OGT: variants seen among roughly 807,000 people sequenced by gnomAD.
OGT encodes the protein O-linked N-acetylglucosamine (GlcNAc) transferase.
OGT carries 3 observed loss-of-function variants against 75.8 expected under a neutral mutation model. The observed-to-expected ratio is 0.04, with a 90% CI of 0.02 to 0.10. The LOEUF (loss-of-function observed/expected upper bound fraction) is 0.10. Among genes scored for constraint, OGT ranks in the 10% least tolerant of loss-of-function variants. OGT has a pLI of 1.00. For missense variants in OGT, 260 were observed against 824.4 expected (o/e 0.32, Z 8.38); for synonymous variants, 257 against 289.7 (o/e 0.89, Z 1.15).
chrX:71,560,873 C>CTT (rs1010281242), intron 14 of OGT, among the ~76,000 whole-genome samples: 1 of 110,792 alleles, frequency 9.0e-6, no homozygotes, highest in Non-Finnish European at 1.9e-5. Flanking sequence ...TTTGTCAATA[C>CTT]TTTAACTCAC....
rs138492826 is a variant in OGT, at chrX:71,548,826, A to T, written c.648+803A>T. 1.7e-3 allele frequency among the ~76,000 whole-genome samples: 187 copies of T among 111,373 alleles called. 1 individual carries two copies. Among genetic ancestry groups the T allele is most frequent in the African/African-American group, 6.0e-3 (183 of 30,607 alleles). On this transcript the variant is annotated intron_variant, in intron 5 of 21. Transcript: ENST00000373719. ...AGGTACTATGTTCACTACCTGAGTG[A>T]CAAAATCATTTGTATACCAAATTGC...
rs2040492314 is a variant in OGT, at chrX:71,575,763, A to G, written c.*1969A>G. 1 of 112,504 alleles carries G rather than the reference A, an allele frequency of 8.9e-6. No individual in the cohort carries two copies. The highest frequency in any genetic ancestry group is 1.9e-5 in the Non-Finnish European group (1 of 53,305). The allele number at this position is 112,504 out of a possible 1,213,427, so 9.3% of individuals were successfully genotyped here. A position where few individuals can be genotyped will look rare whatever the true frequency, so the allele number is the denominator to read the frequency against. On this transcript the variant is annotated 3_prime_UTR_variant, in exon 22 of 22. Transcript: ENST00000373719. ...GACTTAATTCTGATTAGAGATATAG[A>G]TATTACTGGAAACTAATTGTTTTTT...
intron 21 of OGT, among the ~76,000 whole-genome samples, chrX:71,573,146 A>G (rs749075888): frequency 4.4e-5 from 5 of 112,492 alleles, no homozygotes; most frequent in Non-Finnish European, 7.5e-5. Context: ...TGATGCTTCA[A>G]TGAATATCTT....
chrX:71,548,119 A>C, intron 5 of OGT, 96 bp downstream of exon 5: 1 of 882,173 alleles, frequency 1.1e-6, no homozygotes. Context: ...GTGACATTAT[A>C]TCTTTGTTTC....
intron 3 of OGT, among the ~76,000 whole-genome samples, chrX:71,539,709 G>A (rs191487728): frequency 8.9e-6 from 1 of 112,416 alleles, no homozygotes; most frequent in African/African-American, 3.2e-5. Context: ...CTGGGCCTTG[G>A]ACCCCATTTT....
chrX:71,557,705 A>T, intron 12 of OGT, 33 bp downstream of exon 12: 3 of 1,074,737 alleles, frequency 2.8e-6, no homozygotes, highest in Non-Finnish European at 3.8e-6. Context: ...TTTTTGTTGT[A>T]AACTAAAACA....
At chrX:71,573,020 G>GA (rs1459975861) in intron 21 of OGT, among the ~76,000 whole-genome samples, 1 of 111,705 alleles carries the variant, frequency 9.0e-6, no homozygotes, top group Non-Finnish European at 1.9e-5. Flanking sequence ...GGTACAAGTG[G>GA]AAAATTACGA....
chrX:71,542,476 T>G lies in OGT; in HGVS notation c.463-2091T>G, dbSNP rs142198113. ...CTATGAGCATTGTGTTAACTTGATA[T>G]AGTATACTGTAATGGATCTAGATGA... On this transcript the variant is annotated intron_variant, in intron 3 of 21. Coordinates refer to ENST00000373719, the MANE Select transcript of OGT (RefSeq NM_181672.3). Among the ~76,000 whole-genome samples, 315 of 112,307 alleles carry G rather than the reference T, an allele frequency of 2.8e-3. 1 individual carries two copies. Among genetic ancestry groups the G allele is most frequent in the African/African-American group, 9.3e-3 (289 of 30,954 alleles).
chrX:71,555,090 T>C lies in OGT; in HGVS notation c.729-100T>C, dbSNP rs192715355. ...TTGATATATTTTGATATAGTACAGC[T>C]TGAATGAGTTGTAACAAACCATCCA... On this transcript the variant is annotated intron_variant, in intron 6 of 21. Transcript: ENST00000373719. The C allele has an allele frequency of 5.2e-4, 305 of 588,298 alleles. 2 individuals are homozygous for C. In the African/African-American group the frequency reaches 6.0e-3, roughly 12 times the overall value. 48.5% of individuals were successfully genotyped at this position (588,298 alleles called of 1,213,427 possible). A position where few individuals can be genotyped will look rare whatever the true frequency, so the allele number is the denominator to read the frequency against.
intron 3 of OGT, 108 bp downstream of exon 3, chrX:71,538,180 T>A: frequency 1.2e-6 from 1 of 865,073 alleles, no homozygotes; most frequent in Non-Finnish European, 1.6e-6. Flanking sequence ...AAGTCAAAAG[T>A]TTAGAAATGC....
At position 71,567,220 on chromosome X, in the gene OGT, C is replaced by T. The variant is rs183761149; in HGVS notation, c.2590-280C>T. On this transcript the variant is annotated intron_variant, in intron 19 of 21. Coordinates refer to ENST00000373719, the MANE Select transcript of OGT (RefSeq NM_181672.3). ...GATTTGAAATTTGGAATGCAAAATTCCTCTCTCAGCAAAACCCACTGCCTG... is the reference window on the plus strand; with the variant it reads ...GATTTGAAATTTGGAATGCAAAATTTCTCTCTCAGCAAAACCCACTGCCTG... 6.5e-3 allele frequency among the ~76,000 whole-genome samples: 732 copies of T among 112,388 alleles called. 4 individuals are homozygous for T. The highest frequency in any genetic ancestry group is 0.014 in the Middle Eastern group (3 of 219).
intron 1 of OGT, among the ~76,000 whole-genome samples, chrX:71,535,281 A>G (rs928642208): frequency 9.0e-6 from 1 of 111,065 alleles, no homozygotes; most frequent in Non-Finnish European, 1.9e-5. Flanking sequence ...CTCCCTCCCA[A>G]CGTTTTGACC....
At chrX:71,544,703 A>G in intron 4 of OGT, 68 bp downstream of exon 4, 1 of 860,290 alleles carries the variant, frequency 1.2e-6, no homozygotes, top group East Asian at 3.3e-5. Context: ...CCAAGTCTTC[A>G]ACTCTTCATT....
Position 71,543,734 on chromosome X carries a change from A to AGG in OGT, c.463-833_463-832insGG, listed in dbSNP as rs2040237056. 1.8e-4 allele frequency among the ~76,000 whole-genome samples: 15 copies of AGG among 82,449 alleles called. 1 individual carries two copies. The highest frequency in any genetic ancestry group is 1.5e-3 in the Admixed American group (11 of 7,497). 71.6% of individuals were successfully genotyped at this position (82,449 alleles called of 115,157 possible). A position where few individuals can be genotyped will look rare whatever the true frequency, so the allele number is the denominator to read the frequency against. ...TAACATAGTTGGACAAATATTTGAG[A>AGG]TGTGTGTGTGTGTGTGTGTGTGTGT... On this transcript the variant is annotated intron_variant, in intron 3 of 21. Transcript: ENST00000373719.
intron 3 of OGT, among the ~76,000 whole-genome samples, chrX:71,543,488 A>G (rs1321396184): frequency 1.8e-5 from 2 of 110,696 alleles, no homozygotes; most frequent in African/African-American, 6.6e-5. Context: ...CTCAACTCTA[A>G]TGGCACTTAA....
intron 19 of OGT, 108 bp downstream of exon 19, chrX:71,564,861 T>A (rs2040406094): frequency 5.9e-6 from 4 of 676,979 alleles, no homozygotes; most frequent in East Asian, 3.6e-5. Flanking sequence ...CATTTCTTTT[T>A]AAAATTTTTT....
intron 7 of OGT, 38 bp from the exon 8 acceptor site, chrX:71,555,916 T>A: frequency 8.3e-7 from 1 of 1,201,293 alleles, no homozygotes; most frequent in Non-Finnish European, 1.1e-6. Flanking sequence ...GGCTTTATGA[T>A]TCTGTACAGT....
rs1038536187 is a variant in OGT, at chrX:71,557,354, G to T, written c.1422+58G>T. The T allele has an allele frequency of 1.6e-5, 17 of 1,073,129 alleles. No homozygotes were observed. In the African/African-American group the frequency reaches 2.4e-4, roughly 15 times the overall value. The allele number at this position is 1,073,129 out of a possible 1,213,427, so 88.4% of individuals were successfully genotyped here. Reference sequence around the variant, plus strand: ...GTGTTGTAATAGCTTTTTAATTGTTGTATGCCATAAGAATCCAAGCCTGAC... The same window carrying T: ...GTGTTGTAATAGCTTTTTAATTGTTTTATGCCATAAGAATCCAAGCCTGAC... On this transcript the variant is annotated intron_variant, in intron 11 of 21. Transcript: ENST00000373719.
chrX:71,570,261 G>A (rs1188504379), intron 21 of OGT, among the ~76,000 whole-genome samples: 5 of 108,135 alleles, frequency 4.6e-5, no homozygotes, highest in Middle Eastern at 9.8e-3. Flanking sequence ...GGCTGGTCTC[G>A]AACTCCTGAC....
Sources: allele counts gnomAD v4.1 joint callset (sites outside exome capture counted in the v4.1 genomes callset), GRCh38; gene constraint gnomAD v4.1.1; transcripts MANE v1.5; gene names NCBI Gene and HGNC (gene_info 2026-07-23, HGNC 2026-07-21).